SLC44A5: variants seen among roughly 807,000 people sequenced by gnomAD.
The protein encoded by SLC44A5 is choline transporter-like protein 5.
SLC44A5 carries 57 observed loss-of-function variants against 101.8 expected under a neutral mutation model. That is an observed-to-expected ratio of 0.56 (90% CI 0.45 to 0.70). SLC44A5 has a LOEUF of 0.70. SLC44A5 is among the 30% of genes least tolerant of loss of function. The pLI is 0.00. For missense variants in SLC44A5, 737 were observed against 853.1 expected (o/e 0.86, Z 1.70); for synonymous variants, 281 against 290.9 (o/e 0.97, Z 0.35).
At chr1:75,220,422 T>C (rs116557093) in intron 14 of SLC44A5, among the ~76,000 whole-genome samples, 5,685 of 152,252 alleles carry the variant, frequency 0.037, 153 homozygotes, top group Non-Finnish European at 0.06. Flanking sequence ...CTCTAACTTC[T>C]GGGGAAGAAA....
intron 1 of SLC44A5, among the ~76,000 whole-genome samples, chr1:75,580,000 A>G (rs989629039): frequency 1.3e-5 from 2 of 152,192 alleles, no homozygotes; most frequent in African/African-American, 2.4e-5. Context: ...TTTTCCATGC[A>G]TATTTTTACT....
chr1:75,254,296 C>T (rs564396422), intron 6 of SLC44A5, among the ~76,000 whole-genome samples: 85 of 152,252 alleles, frequency 5.6e-4, no homozygotes, highest in African/African-American at 2.0e-3. Flanking sequence ...GCATCGGCCT[C>T]CCAAAGTGCT....
chr1:75,375,895 T>C (rs1313032), intron 3 of SLC44A5, among the ~76,000 whole-genome samples: 78,579 of 151,980 alleles, frequency 0.52, 22,294 homozygotes, highest in East Asian at 0.94. Flanking sequence ...ACACAGAAGA[T>C]GGGTGATTTC....
At chr1:75,664,245 C>A in the SLC44A5 span, among the ~76,000 whole-genome samples, 1 of 152,084 alleles carries the variant, frequency 6.6e-6, no homozygotes. Flanking sequence ...GAGAAGAGAA[C>A]TGGAATAAGA....
chr1:75,562,166 T>G (rs999243254), intron 1 of SLC44A5, among the ~76,000 whole-genome samples: 6 of 152,110 alleles, frequency 3.9e-5, no homozygotes, highest in African/African-American at 1.4e-4. Flanking sequence ...TTGATAAAAT[T>G]TTGATGAACT....
At chr1:75,436,687 C>A (rs1314122718) in intron 2 of SLC44A5, among the ~76,000 whole-genome samples, 4 of 152,044 alleles carry the variant, frequency 2.6e-5, no homozygotes, top group Admixed American at 1.3e-4. Context: ...CGATAATTAA[C>A]CTTAGCTTAC....
intron 2 of SLC44A5, among the ~76,000 whole-genome samples, chr1:75,446,977 T>C (rs1222065957): frequency 6.6e-6 from 1 of 152,190 alleles, no homozygotes; most frequent in Non-Finnish European, 1.5e-5. Flanking sequence ...ATACATTGTA[T>C]TATTCTTTAA....
chr1:75,622,493 A>T, the SLC44A5 span, among the ~76,000 whole-genome samples: 2 of 152,022 alleles, frequency 1.3e-5, no homozygotes, highest in African/African-American at 2.4e-5. Context: ...AACTCCACAG[A>T]AACCCCCCCA....
At chr1:75,412,074 G>T (rs189781294) in intron 2 of SLC44A5, among the ~76,000 whole-genome samples, 2 of 152,194 alleles carry the variant, frequency 1.3e-5, no homozygotes, top group Admixed American at 6.5e-5. Flanking sequence ...AGTAGAATTT[G>T]ATGAGGAAAA....
At chr1:75,204,846 C>T (rs1646723432) in intron 23 of SLC44A5, 1 of 152,072 alleles carries the variant, frequency 6.6e-6, no homozygotes, top group Admixed American at 6.6e-5. Flanking sequence ...TAATTCACAT[C>T]GTGGCTCACA....
intron 2 of SLC44A5, among the ~76,000 whole-genome samples, chr1:75,471,397 AC>A (rs1470260908): frequency 5.3e-5 from 8 of 151,870 alleles, no homozygotes; most frequent in African/African-American, 1.9e-4. Flanking sequence ...ACACACACAC[AC>A]ACACACACAC....
At chr1:75,491,984 T>C (rs959917998) in intron 2 of SLC44A5, among the ~76,000 whole-genome samples, 1 of 152,206 alleles carries the variant, frequency 6.6e-6, no homozygotes, top group African/African-American at 2.4e-5. Context: ...CAGTGGAATT[T>C]ATTTTAGTGA....
chr1:75,502,987 C>T (rs901444261), intron 2 of SLC44A5, among the ~76,000 whole-genome samples: 1 of 151,994 alleles, frequency 6.6e-6, no homozygotes, highest in Non-Finnish European at 1.5e-5. Flanking sequence ...TCCTTGCTTA[C>T]GTCACAGAGT....
chr1:75,527,826 T>C (rs1349068480), intron 2 of SLC44A5, among the ~76,000 whole-genome samples: 2 of 152,248 alleles, frequency 1.3e-5, no homozygotes, highest in African/African-American at 4.8e-5. Flanking sequence ...GGCTGTTCAC[T>C]GACCTTTTGT....
At chr1:75,502,423 C>T (rs965551086) in intron 2 of SLC44A5, among the ~76,000 whole-genome samples, 2 of 152,152 alleles carry the variant, frequency 1.3e-5, no homozygotes, top group African/African-American at 2.4e-5. Context: ...TTAACATGGC[C>T]TCATGGGAAG....
At chr1:75,347,513 C>T (rs1658333543) in intron 3 of SLC44A5, among the ~76,000 whole-genome samples, 1 of 152,114 alleles carries the variant, frequency 6.6e-6, no homozygotes, top group Non-Finnish European at 1.5e-5. Context: ...AAACTACGAT[C>T]TCTCACCAAT....
chr1:75,257,894 G>A (rs1186739175), intron 6 of SLC44A5, among the ~76,000 whole-genome samples: 1 of 152,086 alleles, frequency 6.6e-6, no homozygotes, highest in Non-Finnish European at 1.5e-5. Context: ...TGTAGCCCAG[G>A]GAGGGCGAGC....
upstream of SLC44A5, among the ~76,000 whole-genome samples, chr1:75,613,176 C>G (rs1328258090): frequency 2.6e-5 from 4 of 152,240 alleles, no homozygotes; most frequent in African/African-American, 4.8e-5. Context: ...TGCGGTGTAG[C>G]TAAGCAGAGA....
intron 2 of SLC44A5, among the ~76,000 whole-genome samples, chr1:75,538,999 T>C (rs1433676137): frequency 6.6e-6 from 1 of 152,200 alleles, no homozygotes; most frequent in African/African-American, 2.4e-5. Context: ...GCATCAGGCT[T>C]AGCCAGGGTC....
Sources: allele counts gnomAD v4.1 joint callset (sites outside exome capture counted in the v4.1 genomes callset), GRCh38; gene constraint gnomAD v4.1.1; transcripts MANE v1.5; gene names NCBI Gene and HGNC (gene_info 2026-07-23, HGNC 2026-07-21).